Variants in ARHGAP15 observed in about 807,000 individuals in gnomAD.
ARHGAP15 encodes Rho GTPase activating protein 15.
Under a neutral mutation model 63.7 loss-of-function variants are expected in ARHGAP15, and 51 were observed. The ratio of observed to expected loss-of-function variants is 0.80; its 90% confidence interval spans 0.64 to 1.01. The LOEUF (loss-of-function observed/expected upper bound fraction) is 1.01, where lower values mean the gene tolerates loss of function less well. Ranked by LOEUF, ARHGAP15 falls within the 50% of genes least tolerant of loss-of-function variation. The probability of loss-of-function intolerance (pLI) is 0.00; values close to 1 mark genes in which losing one functional copy is unlikely to be tolerated. For missense variants in ARHGAP15, 560 were observed against 564.6 expected (o/e 0.99, Z 0.08); for synonymous variants, 191 against 193.8 (o/e 0.99, Z 0.12).
chr2:143,426,238 A>G (rs921096892), intron 6 of ARHGAP15, among the ~76,000 whole-genome samples: 2 of 152,134 alleles, frequency 1.3e-5, no homozygotes, highest in Non-Finnish European at 2.9e-5. Flanking sequence ...TCACCACCTG[A>G]GTTATTTTTA....
chr2:143,457,537 A>AAT (rs1212943802), intron 8 of ARHGAP15, among the ~76,000 whole-genome samples: 17 of 150,906 alleles, frequency 1.1e-4, no homozygotes, highest in South Asian at 4.2e-4. Flanking sequence ...GTTTTTTTTT[A>AAT]ATATATATAT....
At chr2:143,354,132 G>A (rs1298212743) in intron 6 of ARHGAP15, among the ~76,000 whole-genome samples, 1 of 152,060 alleles carries the variant, frequency 6.6e-6, no homozygotes, top group East Asian at 1.9e-4. Flanking sequence ...TTTAGAATGA[G>A]AAATTCACAT....
intron 6 of ARHGAP15, among the ~76,000 whole-genome samples, chr2:143,353,960 G>A (rs146097822): frequency 5.0e-4 from 76 of 151,714 alleles, no homozygotes; most frequent in African/African-American, 1.7e-3. Context: ...CTAGAATGAT[G>A]TTGTCTACAG....
At chr2:143,551,976 A>G (rs907539332) in intron 10 of ARHGAP15, among the ~76,000 whole-genome samples, 5 of 152,200 alleles carry the variant, frequency 3.3e-5, no homozygotes, top group African/African-American at 4.8e-5. Context: ...TCAGAACCCA[A>G]GTAGAAATTT....
At chr2:143,659,283 C>T (rs1294408814) in intron 12 of ARHGAP15, among the ~76,000 whole-genome samples, 2 of 152,066 alleles carry the variant, frequency 1.3e-5, no homozygotes, top group African/African-American at 4.8e-5. Context: ...TGGTGGGGAT[C>T]TAATATGCGG....
chr2:143,133,337 A>G (rs1329333898), intron 1 of ARHGAP15, among the ~76,000 whole-genome samples: 1 of 152,240 alleles, frequency 6.6e-6, no homozygotes, highest in Non-Finnish European at 1.5e-5. Context: ...TAGGCCAGAA[A>G]GATAGTGTGA....
intron 2 of ARHGAP15, among the ~76,000 whole-genome samples, chr2:143,175,967 T>C (rs906054954): frequency 6.6e-6 from 1 of 152,188 alleles, no homozygotes; most frequent in South Asian, 2.1e-4. Context: ...TGAAAGAAAT[T>C]AGTATGTTAT....
At chr2:143,315,354 T>G (rs1460838599) in intron 6 of ARHGAP15, among the ~76,000 whole-genome samples, 2 of 152,212 alleles carry the variant, frequency 1.3e-5, no homozygotes, top group Non-Finnish European at 2.9e-5. Flanking sequence ...AAAATTTAAT[T>G]TTCTTAATTT....
At chr2:143,640,573 G>A (rs1325545955) in intron 12 of ARHGAP15, among the ~76,000 whole-genome samples, 1 of 152,068 alleles carries the variant, frequency 6.6e-6, no homozygotes, top group East Asian at 1.9e-4. Flanking sequence ...AATTAAATGA[G>A]CAAATCAAGT....
chr2:143,214,761 T>C (rs978460243), intron 3 of ARHGAP15, among the ~76,000 whole-genome samples: 3 of 152,198 alleles, frequency 2.0e-5, no homozygotes, highest in Non-Finnish European at 4.4e-5. Context: ...CAAATGCATT[T>C]TAAAACTAAG....
intron 1 of ARHGAP15, among the ~76,000 whole-genome samples, chr2:143,144,849 G>C (rs1459182110): frequency 1.3e-5 from 2 of 152,032 alleles, no homozygotes; most frequent in African/African-American, 4.8e-5. Flanking sequence ...TGTAAAATAA[G>C]AAGACACCAT....
chr2:143,390,009 A>T (rs548722247), intron 6 of ARHGAP15, among the ~76,000 whole-genome samples: 5 of 103,692 alleles, frequency 4.8e-5, no homozygotes, highest in South Asian at 4.3e-4. Flanking sequence ...GTCCTTTATT[A>T]AAAAAAAAAA....
rs539268043 is a variant in ARHGAP15 at position 143,215,360 on chromosome 2, C to A, written c.235-1024C>A. ...GGACCAACAGATTCTCCCACCCCAA[C>A]CTCCCACACAGCTGTGATTATAGAC... On this transcript the variant is annotated intron_variant, in intron 3 of 13. Transcript: ENST00000295095. Among the ~76,000 whole-genome samples, 5 of 152,330 alleles carry A rather than the reference C, an allele frequency of 3.3e-5. No homozygotes were observed. In the South Asian group the frequency reaches 1.0e-3, roughly 32 times the overall value.
In ARHGAP15 at chr2:143,659,931, G is replaced by A. The variant is rs114819532; in HGVS notation, c.1138+35664G>A. Among the ~76,000 whole-genome samples the A allele has an allele frequency of 9.7e-3, 1,483 of 152,106 alleles. 30 individuals are homozygous for A. The highest frequency in any genetic ancestry group is 0.017 in the East Asian group (88 of 5,162). ...AGAGAATTTGAAGTAATAAGTGGGT[G>A]TTCATCTTAAGGAAACATGCTAGAA... On this transcript the variant is annotated intron_variant, in intron 12 of 13. Transcript: ENST00000295095.
At chr2:143,457,387 T>A (rs1167936631) in intron 8 of ARHGAP15, among the ~76,000 whole-genome samples, 1 of 151,712 alleles carries the variant, frequency 6.6e-6, no homozygotes, top group Non-Finnish European at 1.5e-5. Context: ...AAAAATAAAA[T>A]ACAAAACAAT....
At chr2:143,429,723 T>C (rs1689299573) in intron 6 of ARHGAP15, among the ~76,000 whole-genome samples, 1 of 152,116 alleles carries the variant, frequency 6.6e-6, no homozygotes, top group Non-Finnish European at 1.5e-5. Flanking sequence ...TTTAGTAGCA[T>C]GTGGATTTAG....
At chr2:143,649,451 AT>A in intron 12 of ARHGAP15, among the ~76,000 whole-genome samples, 1 of 151,904 alleles carries the variant, frequency 6.6e-6, no homozygotes, top group African/African-American at 2.4e-5. Context: ...CATTATAAAC[AT>A]TTTTTTTAGT....
At chr2:143,338,830 C>CT (rs1485336863) in intron 6 of ARHGAP15, among the ~76,000 whole-genome samples, 1 of 152,086 alleles carries the variant, frequency 6.6e-6, no homozygotes, top group Non-Finnish European at 1.5e-5. Flanking sequence ...TGATAGGTTG[C>CT]TTACCCTTTA....
At chr2:143,633,665 C>A (rs572487219) in intron 12 of ARHGAP15, among the ~76,000 whole-genome samples, 36 of 152,242 alleles carry the variant, frequency 2.4e-4, no homozygotes, top group African/African-American at 8.7e-4. Flanking sequence ...ACTGAATAGA[C>A]CTGCTTTTAA....
Sources: allele counts gnomAD v4.1 joint callset (sites outside exome capture counted in the v4.1 genomes callset), GRCh38; gene constraint gnomAD v4.1.1; transcripts MANE v1.5; gene names NCBI Gene and HGNC (gene_info 2026-07-23, HGNC 2026-07-21).